Variants in TMEFF2 observed in about 807,000 individuals in gnomAD.
TMEFF2 encodes the protein transmembrane protein with EGF like and two follistatin like domains 2.
In TMEFF2, 28 loss-of-function variants were observed where a neutral mutation model predicts 53.8. The ratio of observed to expected loss-of-function variants is 0.52; its 90% confidence interval spans 0.39 to 0.71. The LOEUF (loss-of-function observed/expected upper bound fraction) is 0.71, where lower values mean the gene tolerates loss of function less well. TMEFF2 is among the 30% of genes least tolerant of loss of function. The pLI is 0.00. For missense variants in TMEFF2, 353 were observed against 455.2 expected (o/e 0.78, Z 2.04); for synonymous variants, 162 against 166.3 (o/e 0.97, Z 0.20).
At chr2:192,102,375 G>A (rs1016287620) in intron 4 of TMEFF2, among the ~76,000 whole-genome samples, 1 of 151,972 alleles carries the variant, frequency 6.6e-6, no homozygotes, top group Non-Finnish European at 1.5e-5. Flanking sequence ...AAAACACAAA[G>A]TCTTAACCAT....
At chr2:192,032,324 T>TA (rs1351799441) in intron 5 of TMEFF2, 6 of 152,212 alleles carry the variant, frequency 3.9e-5, no homozygotes, top group African/African-American at 1.2e-4. Context: ...AAAAGCAGGC[T>TA]ATTCATGAAG....
At chr2:192,007,322 A>C (rs561518407) in intron 5 of TMEFF2, among the ~76,000 whole-genome samples, 11 of 152,324 alleles carry the variant, frequency 7.2e-5, no homozygotes, top group Non-Finnish European at 1.3e-4. Flanking sequence ...ACCAAGACCA[A>C]GTGGCAGAAA....
At chr2:191,974,936 C>G (rs1685668864) in intron 7 of TMEFF2, among the ~76,000 whole-genome samples, 1 of 151,946 alleles carries the variant, frequency 6.6e-6, no homozygotes, top group Non-Finnish European at 1.5e-5. Context: ...TCAAGAGCCT[C>G]AAGCACAAAG....
At chr2:191,982,561 A>G (rs1685878863) in intron 7 of TMEFF2, among the ~76,000 whole-genome samples, 1 of 152,016 alleles carries the variant, frequency 6.6e-6, no homozygotes. Flanking sequence ...TCAAAATTAC[A>G]TTAGATGTAA....
At chr2:192,036,485 C>T (rs1039132545) in intron 5 of TMEFF2, 6 of 152,110 alleles carry the variant, frequency 3.9e-5, no homozygotes, top group African/African-American at 9.7e-5. Context: ...CTGGAATGGT[C>T]GTGCAAGGCT....
At chr2:192,022,890 T>A (rs1686888199) in intron 5 of TMEFF2, among the ~76,000 whole-genome samples, 1 of 152,188 alleles carries the variant, frequency 6.6e-6, no homozygotes, top group Admixed American at 6.5e-5. Flanking sequence ...ATTCTTTATC[T>A]TATTACAATA....
intron 1 of TMEFF2, among the ~76,000 whole-genome samples, chr2:192,192,997 C>T (rs1490892517): frequency 6.6e-6 from 1 of 152,154 alleles, no homozygotes; most frequent in Non-Finnish European, 1.5e-5. Flanking sequence ...AATAGGGTTG[C>T]ATATCTCAAC....
chr2:192,068,154 G>C, intron 4 of TMEFF2, among the ~76,000 whole-genome samples: 1 of 151,862 alleles, frequency 6.6e-6, no homozygotes, highest in South Asian at 2.1e-4. Flanking sequence ...CTCACAGGCT[G>C]TGGAGCACAT....
chr2:192,027,783 C>G (rs985807135), intron 5 of TMEFF2: 4 of 152,168 alleles, frequency 2.6e-5, no homozygotes, highest in African/African-American at 4.8e-5. Context: ...TAAATGAAGT[C>G]AAGTGAGACA....
chr2:192,173,877 C>T (rs1210399074), intron 4 of TMEFF2, among the ~76,000 whole-genome samples: 1 of 151,678 alleles, frequency 6.6e-6, no homozygotes, highest in African/African-American at 2.4e-5. Context: ...CTAATTAAAC[C>T]CTTCGGAGAA....
chr2:192,171,374 C>G (rs1313674933), intron 4 of TMEFF2, among the ~76,000 whole-genome samples: 2 of 152,036 alleles, frequency 1.3e-5, no homozygotes, highest in South Asian at 2.1e-4. Flanking sequence ...GCACAGGTCT[C>G]CCTGCTTTCT....
At chr2:192,026,391 T>C (rs954678155) in intron 5 of TMEFF2, among the ~76,000 whole-genome samples, 2 of 152,178 alleles carry the variant, frequency 1.3e-5, no homozygotes, top group Non-Finnish European at 2.9e-5. Flanking sequence ...GACGACTGTG[T>C]GTCAATGCAC....
intron 7 of TMEFF2, among the ~76,000 whole-genome samples, chr2:191,967,642 T>C (rs1242143148): frequency 6.6e-6 from 1 of 152,128 alleles, no homozygotes; most frequent in Non-Finnish European, 1.5e-5. Flanking sequence ...GTCACCATTT[T>C]TTCTTACCTC....
chr2:192,115,173 T>C (rs1458762329), intron 4 of TMEFF2, among the ~76,000 whole-genome samples: 6 of 152,006 alleles, frequency 3.9e-5, no homozygotes, highest in African/African-American at 1.4e-4. Flanking sequence ...TCATATTACC[T>C]GACTTCAAAG....
chr2:192,050,677 G>T (rs1687747079), intron 5 of TMEFF2, among the ~76,000 whole-genome samples: 1 of 152,096 alleles, frequency 6.6e-6, no homozygotes, highest in South Asian at 2.1e-4. Context: ...TTGACCCTGG[G>T]CATTGTTTAA....
At chr2:192,075,622 T>C (rs1383492913) in intron 4 of TMEFF2, among the ~76,000 whole-genome samples, 1 of 151,720 alleles carries the variant, frequency 6.6e-6, no homozygotes, top group Non-Finnish European at 1.5e-5. Flanking sequence ...CTAGAAGCAA[T>C]GATAAGCTGG....
chr2:192,106,724 T>C (rs1040007356), intron 4 of TMEFF2, among the ~76,000 whole-genome samples: 1 of 151,866 alleles, frequency 6.6e-6, no homozygotes, highest in East Asian at 1.9e-4. Context: ...AAGATGAATA[T>C]ATTGTCCTAG....
chr2:191,992,934 C>G (rs1686142462), intron 7 of TMEFF2, among the ~76,000 whole-genome samples: 1 of 152,010 alleles, frequency 6.6e-6, no homozygotes, highest in Non-Finnish European at 1.5e-5. Context: ...AAAGCTGGGA[C>G]TTGTTAGATA....
intron 4 of TMEFF2, among the ~76,000 whole-genome samples, chr2:192,155,224 C>T (rs968188953): frequency 2.2e-4 from 34 of 151,748 alleles, no homozygotes; most frequent in African/African-American, 3.6e-4. Flanking sequence ...TGATTTTGAC[C>T]GAGAGCCTAT....
Sources: allele counts gnomAD v4.1 joint callset (sites outside exome capture counted in the v4.1 genomes callset), GRCh38; gene constraint gnomAD v4.1.1; transcripts MANE v1.5; gene names NCBI Gene and HGNC (gene_info 2026-07-23, HGNC 2026-07-21).